TENT5C: variants seen among roughly 807,000 people sequenced by gnomAD.
The protein encoded by TENT5C is family with sequence similarity 46 member C.
In TENT5C, 5 loss-of-function variants were observed where a neutral mutation model predicts 22.2. The observed-to-expected ratio is 0.22, with a 90% CI of 0.12 to 0.47. The LOEUF is 0.47. TENT5C is among the 20% of genes least tolerant of loss of function. The pLI is 0.99. For missense variants in TENT5C, 364 were observed against 500.9 expected, an observed-to-expected ratio of 0.73 and a Z score of 2.61; for synonymous variants, 199 against 195.4, an observed-to-expected ratio of 1.02 and a Z score of -0.15.
intron 1 of TENT5C, among the ~76,000 whole-genome samples, chr1:117,609,939 G>T (rs1406506617): frequency 1.3e-5 from 2 of 152,092 alleles, no homozygotes; most frequent in Non-Finnish European, 2.9e-5. Flanking sequence ...GTTTGGAGCT[G>T]AGGGGCAGTG....
intron 1 of TENT5C, among the ~76,000 whole-genome samples, chr1:117,617,555 C>T (rs1653813526): frequency 6.6e-6 from 1 of 152,194 alleles, no homozygotes; most frequent in South Asian, 2.1e-4. Context: ...TTCCCCATTT[C>T]TACTGTATAA....
intron 1 of TENT5C, among the ~76,000 whole-genome samples, chr1:117,622,588 C>T (rs1193807130): frequency 6.7e-6 from 1 of 148,218 alleles, no homozygotes; most frequent in Non-Finnish European, 1.5e-5. Context: ...CCACCCTTAC[C>T]CAGAAAAAAC....
intron 1 of TENT5C, among the ~76,000 whole-genome samples, chr1:117,622,384 T>G (rs899048279): frequency 6.6e-6 from 1 of 151,760 alleles, no homozygotes; most frequent in Non-Finnish European, 1.5e-5. Flanking sequence ...ATTCTGTGTA[T>G]GAATGTTGTA....
At chr1:117,615,843 T>TCTA (rs1653770437) in intron 1 of TENT5C, among the ~76,000 whole-genome samples, 2 of 152,248 alleles carry the variant, frequency 1.3e-5, no homozygotes, top group Admixed American at 6.5e-5. Flanking sequence ...AAAGGCTGAT[T>TCTA]CCAGCTTTTT....
chr1:117,616,032 G>A (rs1247407076), intron 1 of TENT5C, among the ~76,000 whole-genome samples: 1 of 152,208 alleles, frequency 6.6e-6, no homozygotes, highest in Non-Finnish European at 1.5e-5. Context: ...GTTGTGACAT[G>A]TGCTTGTCAC....
rs867629772 is a variant in TENT5C at position 117,622,347 on chromosome 1, G to C, written c.-27-495G>C. Among the ~76,000 whole-genome samples the C allele has an allele frequency of 3.1e-3, 274 of 87,148 alleles. 1 individual carries two copies. The highest frequency in any genetic ancestry group is 6.3e-3 in the African/African-American group (116 of 18,546). 57.2% of individuals were successfully genotyped at this position (87,148 alleles called of 152,430 possible). ...TGTGTGTGTGTGTGTGTGTGTGTGT[G>C]TGTGTCTGTGTCTGTGTGTGTTGTA... On this transcript the variant is annotated intron_variant, in intron 1 of 1. Transcript: ENST00000369448.
chr1:117,610,275 T>C lies in TENT5C; in HGVS notation c.-28+4122T>C, dbSNP rs962400755. ...AGCGCACAGGGACTGCCTGCACCTC[T>C]GGAAGCTGAACCTCCTCTTCAAGAC... On this transcript the variant is annotated intron_variant, in intron 1 of 1. Coordinates refer to ENST00000369448, the MANE Select transcript of TENT5C (RefSeq NM_017709.4). 4.6e-5 allele frequency among the ~76,000 whole-genome samples: 7 copies of C among 152,260 alleles called. No homozygotes were observed. In the East Asian group the frequency reaches 1.4e-3, roughly 29 times the overall value.
Position 117,622,939 on chromosome 1 carries a change from G to T in TENT5C, c.71G>T (p.Arg24Leu). ...GTGCTCAACTGGGATCAGGTTAGCC[G>T]GCTGCATGAGGTCCTCACTGAAGTT... is the stretch of plus-strand genomic sequence containing the variant. ...FSVLNWDQVS[R>L]LHEVLTEVVP... The change falls in exon 2 of 2, where the codon CGG becomes CTG. Residue 24 changes from arginine to leucine, a missense_variant. Physicochemically the swap from Arg to Leu is moderately radical, Grantham distance 102. Coordinates refer to ENST00000369448, the MANE Select transcript of TENT5C (RefSeq NM_017709.4). The T allele has an allele frequency of 6.2e-7, 1 of 1,614,168 alleles. No individual in the cohort carries two copies. The highest frequency in any genetic ancestry group is 8.5e-7 in the Non-Finnish European group (1 of 1,180,020).
Position 117,626,789 on chromosome 1 carries a change from C to A in TENT5C, c.*2745C>A, listed in dbSNP as rs1304359297. 8.1e-6 allele frequency: 2 copies of A among 248,038 alleles called. No homozygotes were observed. The highest frequency in any genetic ancestry group is 1.7e-5 in the Non-Finnish European group (2 of 118,160). The allele number at this position is 248,038 out of a possible 1,614,324, so 15.4% of individuals were successfully genotyped here. A position where few individuals can be genotyped will look rare whatever the true frequency, so the allele number is the denominator to read the frequency against. On this transcript the variant is annotated 3_prime_UTR_variant, in exon 2 of 2. Transcript: ENST00000369448. ...ATGCAAGTTCTAATCTAAAGTTAAG[C>A]AGTCTCTTATTTGTTTCGGGACTCT...
At chr1:117,607,135 A>G (rs1653559474) in intron 1 of TENT5C, among the ~76,000 whole-genome samples, 1 of 152,182 alleles carries the variant, frequency 6.6e-6, no homozygotes, top group Non-Finnish European at 1.5e-5. Context: ...ACCTGAACTC[A>G]ACGCTGGCGG....
rs1653973040 is a variant in TENT5C, at chr1:117,624,685, ATGCTGT to A, written c.*642_*647del. 1 of 248,054 alleles carries A rather than the reference ATGCTGT, an allele frequency of 4.0e-6. No homozygotes were observed. The highest frequency in any genetic ancestry group is 2.2e-5 in the African/African-American group (1 of 45,358). 15.4% of individuals were successfully genotyped at this position (248,054 alleles called of 1,614,324 possible). A position where few individuals can be genotyped will look rare whatever the true frequency, so the allele number is the denominator to read the frequency against. ...TGGTTGAAAGTGGTTTATGGTTTAC[ATGCTGT>A]ACTATCCTGAGGAATTGCGAGATAT... On this transcript the variant is annotated 3_prime_UTR_variant, in exon 2 of 2. Transcript: ENST00000369448.
At chr1:117,619,299 C>T (rs1653847593) in intron 1 of TENT5C, among the ~76,000 whole-genome samples, 1 of 152,098 alleles carries the variant, frequency 6.6e-6, no homozygotes, top group Admixed American at 6.5e-5. Context: ...GTGATCTTTG[C>T]CCATTTGATG....
At chr1:117,622,347 G>GTC (rs1289890025) in intron 1 of TENT5C, among the ~76,000 whole-genome samples, 6 of 87,098 alleles carry the variant, frequency 6.9e-5, no homozygotes, top group Non-Finnish European at 1.3e-4. Flanking sequence ...GTGTGTGTGT[G>GTC]TGTGTCTGTG....
chr1:117,609,555 C>T (rs1469565065), intron 1 of TENT5C, among the ~76,000 whole-genome samples: 3 of 152,170 alleles, frequency 2.0e-5, no homozygotes, highest in Non-Finnish European at 2.9e-5. Context: ...TAGTTAAGTG[C>T]TTCCTAGGCA....
Position 117,625,020 on chromosome 1 carries a change from C to T in TENT5C, c.*976C>T, listed in dbSNP as rs868455498. The T allele has an allele frequency of 4.0e-6, 1 of 247,734 alleles. No homozygotes were observed. Among genetic ancestry groups the T allele is most frequent in the Non-Finnish European group, 8.5e-6 (1 of 118,094 alleles). 15.3% of individuals were successfully genotyped at this position (247,734 alleles called of 1,614,324 possible). On this transcript the variant is annotated 3_prime_UTR_variant, in exon 2 of 2. Coordinates refer to ENST00000369448, the MANE Select transcript of TENT5C (RefSeq NM_017709.4). ...ACATGAGGGTCTTCCCATGTTTTAA[C>T]TGGAAACCCACTTTGGTCACATTCC... is the stretch of plus-strand genomic sequence containing the variant.
At position 117,626,711 on chromosome 1, in the gene TENT5C, G is replaced by A. The variant is rs1654021432; in HGVS notation, c.*2667G>A. ...TCCTATTTTATGTGTGTGTGTATGT[G>A]TGTGTGTTGAGTAACATGAAACTTG... On this transcript the variant is annotated 3_prime_UTR_variant, in exon 2 of 2. Coordinates refer to ENST00000369448, the MANE Select transcript of TENT5C (RefSeq NM_017709.4). 2 of 248,042 alleles carry A rather than the reference G, an allele frequency of 8.1e-6. No individual in the cohort carries two copies. The highest frequency in any genetic ancestry group is 1.1e-4 in the Admixed American group (2 of 17,790). The allele number at this position is 248,042 out of a possible 1,614,324, so 15.4% of individuals were successfully genotyped here.
In TENT5C at chr1:117,627,431, CT is replaced by C. The variant is rs1284283957; in HGVS notation, c.*3390del. 1 of 248,110 alleles carries C rather than the reference CT, an allele frequency of 4.0e-6. No homozygotes were observed. The highest frequency in any genetic ancestry group is 8.5e-6 in the Non-Finnish European group (1 of 118,104). The allele number at this position is 248,110 out of a possible 1,614,324, so 15.4% of individuals were successfully genotyped here. On this transcript the variant is annotated 3_prime_UTR_variant, in exon 2 of 2. Coordinates refer to ENST00000369448, the MANE Select transcript of TENT5C (RefSeq NM_017709.4). ...AACTTCCTAACTTGAGGAATAACTC[CT>C]TTGTAGTTTACTTTCTGGTACTGGT... is the stretch of plus-strand genomic sequence containing the variant.
At chr1:117,619,299 C>G (rs1653847593) in intron 1 of TENT5C, among the ~76,000 whole-genome samples, 1 of 152,098 alleles carries the variant, frequency 6.6e-6, no homozygotes, top group African/African-American at 2.4e-5. Flanking sequence ...GTGATCTTTG[C>G]CCATTTGATG....
chr1:117,614,071 G>A (rs1270971400), intron 1 of TENT5C, among the ~76,000 whole-genome samples: 1 of 152,218 alleles, frequency 6.6e-6, no homozygotes, highest in African/African-American at 2.4e-5. Flanking sequence ...ACACTCGAGT[G>A]TCTGTTATCT....
Sources: gnomAD v4.1 joint callset for allele counts (sites outside exome capture counted in the v4.1 genomes callset) on GRCh38, gnomAD v4.1.1 for gene constraint, MANE v1.5 for transcripts, NCBI Gene and HGNC (gene_info 2026-07-23, HGNC 2026-07-21) for gene names.